The following CSMD1 variants were observed in gnomAD, a reference collection of about 807,000 sequenced individuals.
CSMD1 encodes CUB and sushi domain-containing protein 1.
Under a neutral mutation model 417.5 loss-of-function variants are expected in CSMD1, and 213 were observed. That is an observed-to-expected ratio of 0.51 (90% CI 0.46 to 0.57). The LOEUF (loss-of-function observed/expected upper bound fraction) is 0.57. Among genes scored for constraint, CSMD1 ranks in the 20% least tolerant of loss-of-function variants. The pLI is 0.00. For missense variants in CSMD1, 6,923 were observed against 4,529.7 expected, an observed-to-expected ratio of 1.53 and a Z score of -15.17; for synonymous variants, 2,862 against 1,736.8, an observed-to-expected ratio of 1.65 and a Z score of -16.11.
intron 3 of CSMD1, among the ~76,000 whole-genome samples, chr8:4,151,783 T>A (rs1389893022): frequency 6.6e-6 from 1 of 152,220 alleles, no homozygotes; most frequent in East Asian, 1.9e-4. Flanking sequence ...CTTCTGCAAA[T>A]GCTTATTTTA....
chr8:4,348,502 T>A (rs1428912932), intron 3 of CSMD1, among the ~76,000 whole-genome samples: 23 of 151,652 alleles, frequency 1.5e-4, no homozygotes, highest in Non-Finnish European at 2.9e-4. Context: ...GGTAGCTTAA[T>A]AAGTTGTATC....
intron 5 of CSMD1, among the ~76,000 whole-genome samples, chr8:3,849,639 C>T (rs916329314): frequency 6.6e-6 from 1 of 152,090 alleles, no homozygotes; most frequent in Admixed American, 6.6e-5. Context: ...ACCTGGGGAA[C>T]AAGGTCGAAG....
At chr8:4,991,515 G>A (rs899262181) in intron 1 of CSMD1, among the ~76,000 whole-genome samples, 2 of 152,166 alleles carry the variant, frequency 1.3e-5, no homozygotes, top group African/African-American at 4.8e-5. Context: ...AAAACTCTGC[G>A]CCTGCCTTCG....
chr8:4,967,763 T>C (rs1252945594), intron 1 of CSMD1, among the ~76,000 whole-genome samples: 1 of 152,182 alleles, frequency 6.6e-6, no homozygotes, highest in East Asian at 1.9e-4. Flanking sequence ...TCTTGTGTCA[T>C]GTGACTTACG....
chr8:3,538,245 A>G (rs900622491), intron 10 of CSMD1, among the ~76,000 whole-genome samples: 7 of 152,222 alleles, frequency 4.6e-5, no homozygotes, highest in Non-Finnish European at 1.0e-4. Context: ...GGCACACCTG[A>G]GATGCCTCAC....
At chr8:3,997,113 G>A (rs1365948111) in intron 5 of CSMD1, among the ~76,000 whole-genome samples, 3 of 152,134 alleles carry the variant, frequency 2.0e-5, no homozygotes, top group Non-Finnish European at 4.4e-5. Flanking sequence ...GATAACTGAA[G>A]CAGTTTTAAA....
At chr8:3,680,427 G>C (rs1253571799) in intron 7 of CSMD1, among the ~76,000 whole-genome samples, 1 of 152,136 alleles carries the variant, frequency 6.6e-6, no homozygotes. Flanking sequence ...AAATGAACTA[G>C]AAAATCTACA....
chr8:3,926,181 T>A, intron 5 of CSMD1, among the ~76,000 whole-genome samples: 1 of 151,996 alleles, frequency 6.6e-6, no homozygotes, highest in East Asian at 1.9e-4. Context: ...AAGTCATATT[T>A]TTCCCAGACA....
At chr8:4,216,789 A>G (rs1714718) in intron 3 of CSMD1, among the ~76,000 whole-genome samples, 85,501 of 152,066 alleles carry the variant, frequency 0.56, 24,944 homozygotes, top group East Asian at 0.63. Context: ...AAGTCTCCAG[A>G]TGAAATTACA....
intron 3 of CSMD1, among the ~76,000 whole-genome samples, chr8:4,416,700 G>A (rs187615286): frequency 2.0e-5 from 3 of 152,124 alleles, no homozygotes; most frequent in Non-Finnish European, 2.9e-5. Flanking sequence ...GTATCACCCA[G>A]TCCGTATATT....
chr8:3,059,429 C>A (rs2128992887), intron 49 of CSMD1, among the ~76,000 whole-genome samples: 1 of 152,220 alleles, frequency 6.6e-6, no homozygotes, highest in South Asian at 2.1e-4. Flanking sequence ...TCTCAGTTAA[C>A]AGTTTTCGAG....
chr8:3,281,576 A>G (rs1802741490), intron 26 of CSMD1, among the ~76,000 whole-genome samples: 1 of 152,230 alleles, frequency 6.6e-6, no homozygotes. Context: ...AAAGAAGACA[A>G]CATGAAAGGC....
At chr8:3,440,502 C>T (rs1454794110) in intron 12 of CSMD1, among the ~76,000 whole-genome samples, 1 of 152,160 alleles carries the variant, frequency 6.6e-6, no homozygotes, top group African/African-American at 2.4e-5. Context: ...ATCCTGTATC[C>T]TGTGAAGTCA....
chr8:4,091,732 T>C (rs572282651), intron 3 of CSMD1, among the ~76,000 whole-genome samples: 2 of 152,342 alleles, frequency 1.3e-5, no homozygotes, highest in South Asian at 4.1e-4. Flanking sequence ...CTTGGTGTGC[T>C]GGTGTGTATA....
chr8:3,184,287 A>T (rs1055267744), intron 36 of CSMD1, among the ~76,000 whole-genome samples: 1 of 152,226 alleles, frequency 6.6e-6, no homozygotes, highest in Non-Finnish European at 1.5e-5. Flanking sequence ...TTCAATAAAC[A>T]TGAGTTTATC....
intron 4 of CSMD1, among the ~76,000 whole-genome samples, chr8:4,026,724 T>G (rs1464432192): frequency 6.6e-6 from 1 of 152,212 alleles, no homozygotes; most frequent in Non-Finnish European, 1.5e-5. Context: ...GGGACTTCTT[T>G]TTTCCTTAAA....
chr8:4,361,205 T>A (rs1301165111), intron 3 of CSMD1, among the ~76,000 whole-genome samples: 1 of 152,138 alleles, frequency 6.6e-6, no homozygotes, highest in Non-Finnish European at 1.5e-5. Context: ...ATTAGACAAC[T>A]GGTTTTCAGT....
At chr8:4,666,056 C>T (rs1223032451) in intron 1 of CSMD1, among the ~76,000 whole-genome samples, 1 of 152,132 alleles carries the variant, frequency 6.6e-6, no homozygotes, top group African/African-American at 2.4e-5. Flanking sequence ...GCCATAGTAA[C>T]TGGCACATAG....
At chr8:3,201,210 A>G (rs1001800048) in intron 32 of CSMD1, among the ~76,000 whole-genome samples, 1 of 152,216 alleles carries the variant, frequency 6.6e-6, no homozygotes, top group African/African-American at 2.4e-5. Flanking sequence ...GTGGCTATTA[A>G]TGGGTCTCTC....
Sources: allele counts gnomAD v4.1 joint callset (sites outside exome capture counted in the v4.1 genomes callset), GRCh38; gene constraint gnomAD v4.1.1; transcripts MANE v1.5; gene names NCBI Gene and HGNC (gene_info 2026-07-23, HGNC 2026-07-21).